Variants in IL1RAPL2 observed in about 807,000 individuals in gnomAD.
The protein encoded by IL1RAPL2 is interleukin 1 receptor accessory protein like 2, also known as X-linked interleukin-1 receptor accessory protein-like 2.
Under a neutral mutation model 44.1 loss-of-function variants are expected in IL1RAPL2, and 3 were observed. The observed-to-expected ratio is 0.07, with a 90% CI of 0.03 to 0.18. The LOEUF is 0.18. Ranked by LOEUF, IL1RAPL2 falls within the 10% of genes least tolerant of loss-of-function variation. The probability of loss-of-function intolerance (pLI) is 1.00; values close to 1 mark genes in which losing one functional copy is unlikely to be tolerated. For synonymous variants in IL1RAPL2, 181 were observed against 178.8 expected (o/e 1.01, Z -0.10); for missense variants, 391 against 496.4 (o/e 0.79, Z 2.02).
chrX:105,219,413 C>T (rs1556174455), intron 3 of IL1RAPL2: 1 of 1,210,072 alleles, frequency 8.3e-7, no homozygotes, highest in Middle Eastern at 2.3e-4. Flanking sequence ...TCCTTCTGCC[C>T]CCAATAGGTG....
chrX:104,836,373 C>T (rs1181329895), intron 2 of IL1RAPL2, among the ~76,000 whole-genome samples: 2 of 108,875 alleles, frequency 1.8e-5, no homozygotes, highest in African/African-American at 6.7e-5. Context: ...TGACTATAGT[C>T]GATAATAATA....
At chrX:105,312,480 T>C (rs1444195977) in intron 5 of IL1RAPL2, among the ~76,000 whole-genome samples, 1 of 111,887 alleles carries the variant, frequency 8.9e-6, no homozygotes, top group African/African-American at 3.2e-5. Context: ...CCATTGTTCC[T>C]GAGACAACTT....
intron 5 of IL1RAPL2, among the ~76,000 whole-genome samples, chrX:105,383,898 A>G (rs186757068): frequency 9.0e-6 from 1 of 111,702 alleles, no homozygotes; most frequent in African/African-American, 3.2e-5. Context: ...CTGGCCATTT[A>G]TATGTCTTCT....
chrX:104,754,511 T>C (rs954715413), intron 2 of IL1RAPL2, among the ~76,000 whole-genome samples: 9 of 111,282 alleles, frequency 8.1e-5, no homozygotes, highest in Non-Finnish European at 1.5e-4. Flanking sequence ...AAATTGGAGA[T>C]AGGGATTAGA....
At chrX:105,759,240 C>T (rs754357001) in intron 10 of IL1RAPL2, among the ~76,000 whole-genome samples, 21 of 112,281 alleles carry the variant, frequency 1.9e-4, no homozygotes, top group African/African-American at 6.5e-4. Flanking sequence ...CAACCCAATC[C>T]TGTACTCTTT....
chrX:104,701,137 T>C (rs1018035801), intron 2 of IL1RAPL2, among the ~76,000 whole-genome samples: 6 of 111,867 alleles, frequency 5.4e-5, no homozygotes, highest in African/African-American at 2.0e-4. Context: ...GTTCATCTTA[T>C]CACTTCCCAC....
At position 104,577,299 on chromosome X, in the gene IL1RAPL2, A is replaced by G. The variant is rs144672575; in HGVS notation, c.-20+10248A>G. Among the ~76,000 whole-genome samples the G allele has an allele frequency of 3.7e-3, 412 of 111,876 alleles. 2 individuals are homozygous for G. Among genetic ancestry groups the G allele is most frequent in the Middle Eastern group, 0.019 (4 of 216 alleles). ...GGAAAGAGGTCATTAATAAATGCAGAAGAATATTTAGGTAAGAGTGAGAGT... is the reference window on the plus strand; with the variant it reads ...GGAAAGAGGTCATTAATAAATGCAGGAGAATATTTAGGTAAGAGTGAGAGT... On this transcript the variant is annotated intron_variant, in intron 1 of 10. Transcript: ENST00000372582.
At chrX:105,456,854 A>G (rs987833514) in intron 5 of IL1RAPL2, among the ~76,000 whole-genome samples, 1 of 110,594 alleles carries the variant, frequency 9.0e-6, no homozygotes, top group Non-Finnish European at 1.9e-5. Flanking sequence ...ATTATTTTTA[A>G]TTTTAGACAT....
At chrX:105,726,451 C>T (rs1034058356) in intron 7 of IL1RAPL2, among the ~76,000 whole-genome samples, 1 of 111,339 alleles carries the variant, frequency 9.0e-6, no homozygotes, top group African/African-American at 3.3e-5. Context: ...CAAAATCTGT[C>T]GGGGACTGAA....
chrX:105,227,564 A>C (rs145110853), intron 3 of IL1RAPL2, among the ~76,000 whole-genome samples: 2,121 of 111,948 alleles, frequency 0.019, 47 homozygotes, highest in African/African-American at 0.063. Flanking sequence ...TTATCCTTAT[A>C]TTAGGTTTAC....
chrX:105,318,369 A>G (rs1466447802), intron 5 of IL1RAPL2, among the ~76,000 whole-genome samples: 1 of 111,843 alleles, frequency 8.9e-6, no homozygotes, highest in Non-Finnish European at 1.9e-5. Context: ...TGTAGAAGCA[A>G]GGGCCAAGTT....
At chrX:104,923,223 G>A (rs181523503) in intron 2 of IL1RAPL2, among the ~76,000 whole-genome samples, 115 of 111,996 alleles carry the variant, frequency 1.0e-3, no homozygotes, top group Admixed American at 2.0e-3. Flanking sequence ...TAAGAAGTTT[G>A]GAAAACGTAT....
chrX:105,693,784 A>C (rs1319580951), intron 6 of IL1RAPL2, among the ~76,000 whole-genome samples: 1 of 111,157 alleles, frequency 9.0e-6, no homozygotes, highest in Non-Finnish European at 1.9e-5. Flanking sequence ...GAGGTGAAAG[A>C]GTTGGAGAGA....
intron 2 of IL1RAPL2, among the ~76,000 whole-genome samples, chrX:105,067,279 G>A (rs2032149687): frequency 9.0e-6 from 1 of 110,643 alleles, no homozygotes; most frequent in African/African-American, 3.3e-5. Flanking sequence ...TACACATACA[G>A]AGACCCTTTC....
At chrX:104,831,915 A>T (rs894736521) in intron 2 of IL1RAPL2, among the ~76,000 whole-genome samples, 1 of 111,707 alleles carries the variant, frequency 9.0e-6, no homozygotes, top group Non-Finnish European at 1.9e-5. Context: ...CTTACATGTA[A>T]CTGAAGCCCG....
chrX:105,152,649 T>C (rs1216355907), intron 2 of IL1RAPL2, among the ~76,000 whole-genome samples: 1 of 112,294 alleles, frequency 8.9e-6, no homozygotes, highest in Non-Finnish European at 1.9e-5. Flanking sequence ...CCTATGAAAT[T>C]CACATTGAGA....
chrX:105,735,234 T>C (rs942730505), intron 7 of IL1RAPL2, among the ~76,000 whole-genome samples: 5 of 111,460 alleles, frequency 4.5e-5, no homozygotes, highest in Non-Finnish European at 9.4e-5. Flanking sequence ...ATTGTATCAG[T>C]GTTCACTGCT....
intron 2 of IL1RAPL2, among the ~76,000 whole-genome samples, chrX:104,698,991 T>C (rs1931226943): frequency 3.6e-5 from 4 of 111,341 alleles, no homozygotes; most frequent in Admixed American, 1.9e-4. Context: ...CTTCCCTGCC[T>C]TGCTCTCTTC....
intron 2 of IL1RAPL2, among the ~76,000 whole-genome samples, chrX:105,094,758 T>C (rs1047483167): frequency 3.8e-4 from 43 of 111,819 alleles, no homozygotes; most frequent in African/African-American, 1.2e-3. Context: ...GCATTAAATC[T>C]GGAGATCACT....
Sources: allele counts gnomAD v4.1 joint callset (sites outside exome capture counted in the v4.1 genomes callset), GRCh38; gene constraint gnomAD v4.1.1; transcripts MANE v1.5; gene names NCBI Gene and HGNC (gene_info 2026-07-23, HGNC 2026-07-21).